Variants in PLEKHA6 observed in about 807,000 individuals in gnomAD.
The protein encoded by PLEKHA6 is pleckstrin homology domain-containing family A member 6.
In PLEKHA6, 60 loss-of-function variants were observed where a neutral mutation model predicts 116.7. The observed-to-expected ratio is 0.51, with a 90% CI of 0.42 to 0.64. PLEKHA6 has a LOEUF of 0.64. Among genes scored for constraint, PLEKHA6 ranks in the 30% least tolerant of loss-of-function variants. PLEKHA6 has a pLI of 0.00. For synonymous variants in PLEKHA6, 489 were observed against 556.1 expected (o/e 0.88, Z 1.70); for missense variants, 1,338 against 1,422.7 (o/e 0.94, Z 0.96).
chr1:204,286,326 A>G (rs1669171581), intron 1 of PLEKHA6, among the ~76,000 whole-genome samples: 1 of 152,096 alleles, frequency 6.6e-6, no homozygotes, highest in African/African-American at 2.4e-5. Context: ...CAGACAAGGG[A>G]CACTGCTGTT....
rs532328822 is a variant in PLEKHA6, at chr1:204,238,473, C to T, written c.2409+2902G>A. 1.4e-4 allele frequency among the ~76,000 whole-genome samples: 22 copies of T among 152,292 alleles called. No individual in the cohort carries two copies. The highest frequency in any genetic ancestry group is 1.2e-3 in the South Asian group (6 of 4,822). On this transcript the variant is annotated intron_variant, in intron 17 of 22. Transcript: ENST00000272203. This position sits in a 1 kb window ranked among gnomAD's most constrained non-coding sequence, Gnocchi z 4.2. Reference sequence around the variant, plus strand: ...GACTATGGGTCACCAAGTCACCATGCGACCTGAACTGCCTATCATGAACAG... The same window carrying T: ...GACTATGGGTCACCAAGTCACCATGTGACCTGAACTGCCTATCATGAACAG...
intron 1 of PLEKHA6, chr1:204,275,796 C>T (rs985648599): frequency 6.8e-5 from 52 of 759,798 alleles, no homozygotes; most frequent in South Asian, 1.2e-4. Context: ...TTCAAGCATT[C>T]AGCCAGTGGA....
intron 13 of PLEKHA6, among the ~76,000 whole-genome samples, chr1:204,246,386 T>C (rs1663684188): frequency 1.3e-5 from 2 of 152,186 alleles, no homozygotes; most frequent in South Asian, 4.1e-4. Flanking sequence ...TATGGGTCTA[T>C]TTGGACCCGA....
intron 2 of PLEKHA6, among the ~76,000 whole-genome samples, chr1:204,274,015 C>T (rs1667752639): frequency 6.6e-6 from 1 of 152,168 alleles, no homozygotes; most frequent in Non-Finnish European, 1.5e-5. Flanking sequence ...CTCACCACAG[C>T]CTTGAATGCC....
intron 1 of PLEKHA6, chr1:204,313,698 A>T (rs1174838347): frequency 3.0e-6 from 3 of 985,332 alleles, no homozygotes; most frequent in Non-Finnish European, 3.6e-6. Context: ...TTCACCTGAC[A>T]TTCTGCAGCT....
chr1:204,363,913 G>C (rs1673606436), upstream of PLEKHA6, among the ~76,000 whole-genome samples: 1 of 152,086 alleles, frequency 6.6e-6, no homozygotes, highest in East Asian at 1.9e-4. Context: ...CCTTTCGCTT[G>C]TTCTCTCCTC....
chr1:204,377,012 C>T (rs1673882167), intron 1 of PLEKHA6, among the ~76,000 whole-genome samples: 1 of 152,178 alleles, frequency 6.6e-6, no homozygotes, highest in African/African-American at 2.4e-5. Flanking sequence ...AAGGCGCGCT[C>T]TCTCTCAAGA....
intron 1 of PLEKHA6, among the ~76,000 whole-genome samples, chr1:204,340,399 G>C (rs553418211): frequency 6.9e-4 from 105 of 152,290 alleles, no homozygotes; most frequent in African/African-American, 1.9e-3. Flanking sequence ...ACCCGCATTA[G>C]AGTCAATCAG....
In PLEKHA6 at chr1:204,328,049, TA is replaced by T. The variant is rs1558183880; in HGVS notation, c.-95+31644del. Among the ~76,000 whole-genome samples the T allele has an allele frequency of 6.3e-3, 19 of 3,038 alleles. No homozygotes were observed. In the Middle Eastern group the frequency reaches 0.38, roughly 60 times the overall value. The allele number at this position is 3,038 out of a possible 152,430, so 2.0% of individuals were successfully genotyped here. On this transcript the variant is annotated intron_variant, in intron 1 of 22. Coordinates refer to ENST00000272203, the MANE Select transcript of PLEKHA6 (RefSeq NM_014935.5). ...GGAAAGAAGCTGCTTTTATTTATTT[TA>T]TTTATTTATTTATTTATTTATTTAT... is the stretch of plus-strand genomic sequence containing the variant.
chr1:204,280,349 T>C, intron 1 of PLEKHA6: 1 of 985,242 alleles, frequency 1.0e-6, no homozygotes, highest in Non-Finnish European at 1.2e-6. Context: ...CATGTATGTT[T>C]ACACATGCAC....
rs1662371279 is a variant in PLEKHA6 at position 204,238,500 on chromosome 1, G to A, written c.2409+2875C>T. Among the ~76,000 whole-genome samples, 1 of 152,176 alleles carries A rather than the reference G, an allele frequency of 6.6e-6. No individual in the cohort carries two copies. Among genetic ancestry groups the A allele is most frequent in the African/African-American group, 2.4e-5 (1 of 41,432 alleles). On this transcript the variant is annotated intron_variant, in intron 17 of 22. Transcript: ENST00000272203. This position sits in a 1 kb window ranked among gnomAD's most constrained non-coding sequence, Gnocchi z 4.2. ...ACCTGAACTGCCTATCATGAACAGG[G>A]TGCTTTCTGACCCATCTAGCCATAA...
chr1:204,243,945 G>A (rs926203173), intron 15 of PLEKHA6, among the ~76,000 whole-genome samples: 4 of 149,252 alleles, frequency 2.7e-5, no homozygotes, highest in Non-Finnish European at 4.5e-5. Flanking sequence ...CTCAGCCTCC[G>A]GAGTAGCTGG....
chr1:204,283,866 C>T lies in PLEKHA6; in HGVS notation c.-94-9057G>A, dbSNP rs200449518. Among the ~76,000 whole-genome samples the T allele has an allele frequency of 9.2e-5, 14 of 152,338 alleles. No homozygotes were observed. The East Asian group carries it at 1.9e-3, about 21-fold the overall frequency. ...GTAGGGGCATGGAAGGGCAGCCACA[C>T]AAACACTGTCCACAGCCTGGCCTTT... is the stretch of plus-strand genomic sequence containing the variant. On this transcript the variant is annotated intron_variant, in intron 1 of 22. Coordinates refer to ENST00000272203, the MANE Select transcript of PLEKHA6 (RefSeq NM_014935.5).
At chr1:204,296,346 G>A (rs955198158) in intron 1 of PLEKHA6, among the ~76,000 whole-genome samples, 8 of 151,588 alleles carry the variant, frequency 5.3e-5, no homozygotes, top group Non-Finnish European at 8.8e-5. Context: ...TTTAATGGTA[G>A]AGAGCATGAA....
chr1:204,320,455 C>G, intron 1 of PLEKHA6: 8 of 975,370 alleles, frequency 8.2e-6, no homozygotes, highest in Non-Finnish European at 9.7e-6. Context: ...TGGGAAGGAG[C>G]AGTGGCTTCT....
chr1:204,222,020 A>ATCTCTCTCTCTCTCTCTCTCTCTCTC lies in PLEKHA6; in HGVS notation c.*742_*767dup, dbSNP rs66501941. On this transcript the variant is annotated 3_prime_UTR_variant, in exon 23 of 23. Transcript: ENST00000272203. Reference sequence around the variant, plus strand: ...GCTTCCCCCTCCTTCCACTCTGAGGATCTCTCTCTCTCTCTCTCTCTCTCT... The same window carrying ATCTCTCTCTCTCTCTCTCTCTCTCTC: ...GCTTCCCCCTCCTTCCACTCTGAGGATCTCTCTCTCTCTCTCTCTCTCTCTCTCTCTCTCTCTCTCTCTCTCTCTCT... 1.4e-4 allele frequency: 19 copies of ATCTCTCTCTCTCTCTCTCTCTCTCTC among 133,732 alleles called. 1 individual carries two copies. The highest frequency in any genetic ancestry group is 2.3e-4 in the Admixed American group (3 of 12,938). 8.3% of individuals were successfully genotyped at this position (133,732 alleles called of 1,614,324 possible). A position where few individuals can be genotyped will look rare whatever the true frequency, so the allele number is the denominator to read the frequency against.
At chr1:204,303,754 C>T (rs924343104) in intron 1 of PLEKHA6, among the ~76,000 whole-genome samples, 8 of 152,160 alleles carry the variant, frequency 5.3e-5, no homozygotes, top group African/African-American at 1.9e-4. Context: ...CACTCTATTG[C>T]CCAGGCTGGA....
At chr1:204,285,840 G>A (rs999677429) in intron 1 of PLEKHA6, among the ~76,000 whole-genome samples, 1 of 152,200 alleles carries the variant, frequency 6.6e-6, no homozygotes, top group Non-Finnish European at 1.5e-5. Flanking sequence ...AAGAAGAGTT[G>A]GGGAGGAGGC....
chr1:204,276,082 C>T (rs977403514), intron 1 of PLEKHA6, among the ~76,000 whole-genome samples: 3 of 152,188 alleles, frequency 2.0e-5, no homozygotes, highest in Non-Finnish European at 4.4e-5. Flanking sequence ...CAGGACACAT[C>T]CCAGCCCTTG....
Sources: allele counts gnomAD v4.1 joint callset (sites outside exome capture counted in the v4.1 genomes callset), GRCh38; gene constraint gnomAD v4.1.1; non-coding constraint Gnocchi (gnomAD v3.1); transcripts MANE v1.5; gene names NCBI Gene and HGNC (gene_info 2026-07-23, HGNC 2026-07-21).